GARNL3: variants seen among roughly 807,000 people sequenced by gnomAD.
GARNL3 encodes the protein GTPase-activating Rap/Ran-GAP domain-like protein 3.
A neutral mutation model predicts 125.0 loss-of-function variants in GARNL3; 63 were observed. The observed-to-expected ratio is 0.50, with a 90% confidence interval of 0.41 to 0.62. GARNL3 has a LOEUF of 0.62. Among genes scored for constraint, GARNL3 ranks in the 20% least tolerant of loss-of-function variants. GARNL3 has a pLI of 0.00. For missense variants in GARNL3, 994 were observed against 1,244.0 expected (o/e 0.80, Z 3.02); for synonymous variants, 439 against 457.5 (o/e 0.96, Z 0.52).
chr9:127,295,416 A>T (rs967234536), intron 2 of GARNL3, among the ~76,000 whole-genome samples: 10 of 152,160 alleles, frequency 6.6e-5, no homozygotes, highest in Admixed American at 5.2e-4. Flanking sequence ...ATCTCCAGTA[A>T]TGGGAAACTT....
Position 127,235,574 on chromosome 9 carries a change from T to C in GARNL3, c.-28-7505T>C, listed in dbSNP as rs1413442516. Among the ~76,000 whole-genome samples the C allele has an allele frequency of 2.0e-5, 3 of 152,202 alleles. No homozygotes were observed. In the South Asian group the frequency reaches 6.2e-4, roughly 32 times the overall value. ...GACTTGAGACTTGAATGTGAAATCA[T>C]TGTGTCATGGATACATAATGTGATT... is the stretch of plus-strand genomic sequence containing the variant. On this transcript the variant is annotated intron_variant, in intron 1 of 10. Coordinates refer to the GARNL3 transcript ENST00000439286.
At chr9:127,232,954 T>C (rs1394705070) in intron 1 of GARNL3, among the ~76,000 whole-genome samples, 1 of 152,234 alleles carries the variant, frequency 6.6e-6, no homozygotes, top group Non-Finnish European at 1.5e-5. Flanking sequence ...GGCTTGTGCC[T>C]GTAATCCCAA....
intron 1 of GARNL3, among the ~76,000 whole-genome samples, chr9:127,286,600 T>G (rs114981312): frequency 0.034 from 5,241 of 152,292 alleles, 300 homozygotes; most frequent in African/African-American, 0.12. Context: ...TGGTTCACCA[T>G]GGTCACTACA....
rs775983918 is a variant in GARNL3 at position 127,332,366 on chromosome 9, C to T, written c.670+17C>T. On this transcript the variant is annotated intron_variant, in intron 8 of 27. Transcript: ENST00000373387. ...TCAGCAATGGTGAGTGATCTCCTCCCGCTCTCTGCTGCCAGAGACCCTGTC... is the reference window on the plus strand; with the variant it reads ...TCAGCAATGGTGAGTGATCTCCTCCTGCTCTCTGCTGCCAGAGACCCTGTC... The T allele has an allele frequency of 1.2e-5, 19 of 1,604,692 alleles. No individual in the cohort carries two copies. In the African/African-American group the frequency reaches 1.2e-4, roughly 10 times the overall value.
chr9:127,381,129 G>A (rs182369441), intron 22 of GARNL3, among the ~76,000 whole-genome samples: 39 of 111,480 alleles, frequency 3.5e-4, no homozygotes, highest in Admixed American at 6.4e-4. Context: ...CGCCCACCTC[G>A]GCTTCCCAAA....
rs1832522928 is a variant in GARNL3, at chr9:127,385,990, G to A, written c.2388+845G>A. Among the ~76,000 whole-genome samples, 1 of 152,206 alleles carries A rather than the reference G, an allele frequency of 6.6e-6. No homozygotes were observed. The highest frequency in any genetic ancestry group is 2.4e-5 in the African/African-American group (1 of 41,440). On this transcript the variant is annotated intron_variant, in intron 24 of 27. Transcript: ENST00000373387. This position sits in a 1 kb window ranked among gnomAD's most constrained non-coding sequence, Gnocchi z 4.1. ...ATCTGCATGTATGTATCATATGCGT[G>A]TACATTAGTTGATTGTAAATAGCTT... is the stretch of plus-strand genomic sequence containing the variant.
intron 4 of GARNL3, among the ~76,000 whole-genome samples, chr9:127,315,000 T>C (rs1282713317): frequency 6.6e-6 from 1 of 152,070 alleles, no homozygotes; most frequent in Admixed American, 6.5e-5. Flanking sequence ...TCATACCTGG[T>C]ATTAGAGAAG....
chr9:127,355,401 A>G lies in GARNL3; in HGVS notation c.1864A>G (p.Ser622Gly), dbSNP rs892090580. Residue 622 changes from serine (S) to glycine (G), a missense_variant, in exon 20 of 28, where the codon AGC becomes GGC. By Grantham distance (56) the Ser-to-Gly change is moderately conservative. Transcript: ENST00000373387. ...GATCACAAGAAAACACAACAAGCCA[A>G]GCGGGGTCACCAGCACCTCATTGTT... ...LLITRKHNKP[S>G]GVTSTSLLSP... The G allele has an allele frequency of 6.2e-7, 1 of 1,614,220 alleles. No individual in the cohort carries two copies. Among genetic ancestry groups the G allele is most frequent in the Non-Finnish European group, 8.5e-7 (1 of 1,180,028 alleles).
At chr9:127,344,469 G>A (rs571446749) in intron 15 of GARNL3, 130 bp downstream of exon 15, 2 of 688,672 alleles carry the variant, frequency 2.9e-6, no homozygotes, top group Admixed American at 2.6e-5. Flanking sequence ...TAGGATTGTT[G>A]TGGCAACCAC....
rs2064915481 is a variant in GARNL3, at chr9:127,305,146, G to T, written c.220-6490G>T. Among the ~76,000 whole-genome samples, 5 of 152,188 alleles carry T rather than the reference G, an allele frequency of 3.3e-5. No individual in the cohort carries two copies. The South Asian group carries it at 1.0e-3, about 32-fold the overall frequency. On this transcript the variant is annotated intron_variant, in intron 2 of 27. Coordinates refer to ENST00000373387, the MANE Select transcript of GARNL3 (RefSeq NM_032293.5). ...GTGGTTGAGTAATGACTGGGGAAAT[G>T]AACAAGGGAGCCTTCTGGAATACTG...
chr9:127,354,864 CT>C (rs1415907986), intron 19 of GARNL3, among the ~76,000 whole-genome samples: 11 of 152,190 alleles, frequency 7.2e-5, no homozygotes, highest in African/African-American at 2.7e-4. Flanking sequence ...ACAATCTCGG[CT>C]CACTACAACC....
rs145572683 is a variant in GARNL3, at chr9:127,354,395, T to C, written c.1744T>C (p.Leu582=). Residue 582 remains leucine (L), a synonymous_variant, in exon 19 of 28, where the codon TTG becomes CTG. Coordinates refer to ENST00000373387, the MANE Select transcript of GARNL3 (RefSeq NM_032293.5). ...KSRSDCRENK[L]EKTKGCHLYA... ...CAGGTCTGACTGCAGAGAAAACAAG[T>C]TGGAGAAAACAAAAGGTGACTTGAT... 135 of 1,610,008 alleles carry C rather than the reference T, an allele frequency of 8.4e-5. No individual in the cohort carries two copies. In the African/African-American group the frequency reaches 1.2e-3, roughly 14 times the overall value.
intron 2 of GARNL3, among the ~76,000 whole-genome samples, chr9:127,295,553 T>C (rs1182869238): frequency 6.6e-6 from 1 of 152,162 alleles, no homozygotes; most frequent in East Asian, 1.9e-4. Context: ...GTTTAAGGGC[T>C]CAGTCCCACA....
At chr9:127,244,442 G>C (rs995019472) in intron 2 of GARNL3, among the ~76,000 whole-genome samples, 2 of 152,158 alleles carry the variant, frequency 1.3e-5, no homozygotes, top group Non-Finnish European at 2.9e-5. Flanking sequence ...GTTAAACCGG[G>C]TTGCACGTGA....
At chr9:127,333,817 A>G (rs1363520765) in intron 9 of GARNL3, among the ~76,000 whole-genome samples, 1 of 151,978 alleles carries the variant, frequency 6.6e-6, no homozygotes, top group Non-Finnish European at 1.5e-5. Flanking sequence ...CCCTGAAGGG[A>G]GTTTTGAGGT....
At chr9:127,349,079 TGTA>T (rs763713528) in intron 17 of GARNL3, 44 bp downstream of exon 17, 2 of 1,340,612 alleles carry the variant, frequency 1.5e-6, no homozygotes, top group African/African-American at 2.9e-5. Flanking sequence ...TCATGTAACT[TGTA>T]GTACTTCTAA....
At chr9:127,350,782 A>C (rs1003002603) in intron 17 of GARNL3, among the ~76,000 whole-genome samples, 4 of 152,150 alleles carry the variant, frequency 2.6e-5, no homozygotes, top group Non-Finnish European at 4.4e-5. Context: ...TCTCAAAAAA[A>C]AAAAAGTAAT....
At position 127,357,262 on chromosome 9, in the gene GARNL3, A is replaced by G; in HGVS notation, c.1979A>G (p.Asp660Gly). 1 of 1,614,202 alleles carries G rather than the reference A, an allele frequency of 6.2e-7. No individual in the cohort carries two copies. The highest frequency in any genetic ancestry group is 8.5e-7 in the Non-Finnish European group (1 of 1,180,018). ...TCTCCCATGGTGATGACCTTAGTGG[A>G]TGGGCCAGCTGAAGAGAGTGACAAT... ...SDSPMVMTLV[D>G]GPAEESDNLI... Residue 660 changes from aspartate (D) to glycine (G), a missense_variant, in exon 21 of 28, where the codon GAT becomes GGT. Transcript: ENST00000373387.
intron 20 of GARNL3, 114 bp downstream of exon 20, chr9:127,355,586 C>G: frequency 1.1e-6 from 1 of 901,438 alleles, no homozygotes; most frequent in Non-Finnish European, 1.8e-6. Flanking sequence ...TAGTAGCCAA[C>G]TAGGGAAACC....
Sources: gnomAD v4.1 joint callset for allele counts (sites outside exome capture counted in the v4.1 genomes callset) on GRCh38, gnomAD v4.1.1 for gene constraint, Gnocchi (gnomAD v3.1) non-coding constraint, MANE v1.5 for transcripts, NCBI Gene and HGNC (gene_info 2026-07-23, HGNC 2026-07-21) for gene names.